Variants in RAB11FIP3 observed in about 807,000 individuals in gnomAD.
The protein encoded by RAB11FIP3 is rab11 family-interacting protein 3.
A neutral mutation model predicts 77.8 loss-of-function variants in RAB11FIP3; 17 were observed. The ratio of observed to expected loss-of-function variants is 0.22; its 90% CI spans 0.15 to 0.33. The LOEUF is 0.33. Ranked by LOEUF, RAB11FIP3 falls within the 10% of genes least tolerant of loss-of-function variation. RAB11FIP3 has a pLI of 1.00. For synonymous variants in RAB11FIP3, 437 were observed against 448.2 expected, an observed-to-expected ratio of 0.98 and a Z score of 0.31; for missense variants, 1,005 against 1,011.2, an observed-to-expected ratio of 0.99 and a Z score of 0.08.
chr16:515,287 A>C (rs1200210835), intron 9 of RAB11FIP3, among the ~76,000 whole-genome samples: 3 of 152,268 alleles, frequency 2.0e-5, no homozygotes, highest in Non-Finnish European at 2.9e-5. Context: ...AGGAGAAAAT[A>C]GCTGTGGGTA....
chr16:454,608 C>T (rs913197038), intron 1 of RAB11FIP3, among the ~76,000 whole-genome samples: 8 of 151,910 alleles, frequency 5.3e-5, no homozygotes, highest in East Asian at 3.9e-4. Flanking sequence ...CAAAAAAACC[C>T]ACAAAACCAA....
At chr16:513,473 C>G (rs536856391) in intron 9 of RAB11FIP3, among the ~76,000 whole-genome samples, 4 of 152,220 alleles carry the variant, frequency 2.6e-5, no homozygotes, top group African/African-American at 9.6e-5. Context: ...CCCACCTTGG[C>G]CTCTTTTTGT....
chr16:470,236 G>T (rs1221026236), intron 2 of RAB11FIP3, among the ~76,000 whole-genome samples: 2 of 151,720 alleles, frequency 1.3e-5, no homozygotes, highest in Non-Finnish European at 2.9e-5. Context: ...GACCTCAAAT[G>T]ATCCTCCTGC....
Position 426,739 on chromosome 16 carries a change from C to A in RAB11FIP3, c.714+19C>A. ...AGAGCAGGTACGGAGCGGCCCGGGC[C>A]GGGGCGTGGGAACTGGGCAGGTGCG... is the stretch of plus-strand genomic sequence containing the variant. On this transcript the variant is annotated intron_variant, in intron 1 of 13. Transcript: ENST00000262305. This position sits in a 1 kb window ranked among gnomAD's most constrained non-coding sequence, Gnocchi z 5.0. 2 of 1,464,210 alleles carry A rather than the reference C, an allele frequency of 1.4e-6. No homozygotes were observed. The highest frequency in any genetic ancestry group is 1.8e-6 in the Non-Finnish European group (2 of 1,105,914). The allele number at this position is 1,464,210 out of a possible 1,614,324, so 90.7% of individuals were successfully genotyped here.
Position 519,902 on chromosome 16 carries a change from A to T in RAB11FIP3, c.1860+11A>T. Reference sequence around the variant, plus strand: ...GAGGCCACCCAGGAGGTGAGCACCCACCCTGCCCCACGCCCAGTCCTGCGC... The same window carrying T: ...GAGGCCACCCAGGAGGTGAGCACCCTCCCTGCCCCACGCCCAGTCCTGCGC... On this transcript the variant is annotated intron_variant, in intron 11 of 13. Coordinates refer to ENST00000262305, the MANE Select transcript of RAB11FIP3 (RefSeq NM_014700.4). The T allele has an allele frequency of 6.4e-7, 1 of 1,569,868 alleles. No individual in the cohort carries two copies. Among genetic ancestry groups the T allele is most frequent in the East Asian group, 2.3e-5 (1 of 42,650 alleles).
chr16:489,162 T>A (rs1033201249), intron 5 of RAB11FIP3, 162 bp downstream of exon 5: 13 of 880,986 alleles, frequency 1.5e-5, no homozygotes, highest in Non-Finnish European at 2.0e-5. Context: ...ATACCTGGAT[T>A]TATGAAAGTT....
intron 1 of RAB11FIP3, among the ~76,000 whole-genome samples, chr16:438,404 CTTT>C (rs753481865): frequency 5.0e-5 from 6 of 118,844 alleles, no homozygotes; most frequent in Non-Finnish European, 1.0e-4. Flanking sequence ...CTGCGTCCGG[CTTT>C]TTTTTTTTTT....
rs368050616 is a variant in RAB11FIP3, at chr16:458,751, G to A, written c.715-2653G>A. On this transcript the variant is annotated intron_variant, in intron 1 of 13. Transcript: ENST00000262305. The stretch of plus-strand genomic sequence containing the variant: ...ACAGTCCAGCCCGCCACCCAAGAGG[G>A]GCTTTCTTCAGGAGTCTGCCCCCTC... 3.9e-5 allele frequency among the ~76,000 whole-genome samples: 6 copies of A among 152,374 alleles called. No homozygotes were observed. In the East Asian group the frequency reaches 7.7e-4, roughly 20 times the overall value.
chr16:456,785 AC>A (rs1244075672), intron 1 of RAB11FIP3, among the ~76,000 whole-genome samples: 3 of 152,156 alleles, frequency 2.0e-5, no homozygotes, highest in Admixed American at 1.3e-4. Context: ...CAACAAAAAA[AC>A]AACAACAAAT....
At chr16:491,415 A>G (rs2030175868) in intron 5 of RAB11FIP3, 1 of 806,348 alleles carries the variant, frequency 1.2e-6, no homozygotes, top group Non-Finnish European at 1.7e-6. Context: ...CCCACCCTGC[A>G]CGCTGTGGGG....
chr16:520,766 G>A lies in RAB11FIP3; in HGVS notation c.2198G>A (p.Arg733His), dbSNP rs766469038. The change falls in exon 14 of 14, where the codon CGC becomes CAC. Residue 733 changes from arginine to histidine, a missense_variant. Physicochemically the swap from Arg to His is conservative, Grantham distance 29 (BLOSUM62 0). Transcript: ENST00000262305. ...AIQKQEEINF[R>H]LQDYIDRIIV... ...CAGAAGCAGGAGGAGATCAACTTCC[G>A]CCTGCAGGACTACATCGACAGGATC... The A allele has an allele frequency of 8.1e-6, 13 of 1,613,790 alleles. No homozygotes were observed. Among genetic ancestry groups the A allele is most frequent in the Admixed American group, 1.7e-5 (1 of 60,026 alleles).
chr16:508,097 G>A (rs999946356), intron 8 of RAB11FIP3, among the ~76,000 whole-genome samples: 9 of 152,240 alleles, frequency 5.9e-5, no homozygotes, highest in Non-Finnish European at 1.2e-4. Context: ...AGGGAGCACA[G>A]GAGCCAGATG....
rs186804846 is a variant in RAB11FIP3 at position 458,423 on chromosome 16, C to T, written c.715-2981C>T. ...GGGCCTTCCTCGGGTTCACCGATGC[C>T]CACAGGGCCTGGGGGGCCTTCCTCG... On this transcript the variant is annotated intron_variant, in intron 1 of 13. Coordinates refer to ENST00000262305, the MANE Select transcript of RAB11FIP3 (RefSeq NM_014700.4). Among the ~76,000 whole-genome samples, 660 of 115,700 alleles carry T rather than the reference C, an allele frequency of 5.7e-3. 10 individuals carry two copies. Among genetic ancestry groups the T allele is most frequent in the African/African-American group, 0.019 (601 of 31,760 alleles). 75.9% of individuals were successfully genotyped at this position (115,700 alleles called of 152,430 possible). A position where few individuals can be genotyped will look rare whatever the true frequency, so the allele number is the denominator to read the frequency against.
intron 2 of RAB11FIP3, among the ~76,000 whole-genome samples, chr16:469,619 A>C: frequency 7.0e-6 from 1 of 142,448 alleles, no homozygotes; most frequent in East Asian, 2.1e-4. Flanking sequence ...AGAACTCCTG[A>C]CCTTAAGTGA....
chr16:506,553 G>A lies in RAB11FIP3; in HGVS notation c.1499+926G>A, dbSNP rs144378095. On this transcript the variant is annotated intron_variant, in intron 8 of 13. Coordinates refer to ENST00000262305, the MANE Select transcript of RAB11FIP3 (RefSeq NM_014700.4). This position sits in a 1 kb window ranked among gnomAD's most constrained non-coding sequence, Gnocchi z 4.5. ...ATCACCACTGAGCAGGTAGATTCAG[G>A]GCTCTGAGCAGCCTGCACACACGTG... Among the ~76,000 whole-genome samples, 1 of 152,236 alleles carries A rather than the reference G, an allele frequency of 6.6e-6. No individual in the cohort carries two copies. Among genetic ancestry groups the A allele is most frequent in the East Asian group, 1.9e-4 (1 of 5,170 alleles).
intron 2 of RAB11FIP3, among the ~76,000 whole-genome samples, chr16:466,560 G>A (rs1445439003): frequency 6.6e-6 from 1 of 152,226 alleles, no homozygotes; most frequent in Non-Finnish European, 1.5e-5. Flanking sequence ...GCCCTCGGAG[G>A]AGCCCGATGC....
chr16:472,703 G>A lies in RAB11FIP3; in HGVS notation c.903+1314G>A, dbSNP rs555873214. On this transcript the variant is annotated intron_variant, in intron 3 of 13. Coordinates refer to ENST00000262305, the MANE Select transcript of RAB11FIP3 (RefSeq NM_014700.4). This position sits in a 1 kb window ranked among gnomAD's most constrained non-coding sequence, Gnocchi z 4.1. Reference sequence around the variant, plus strand: ...TTTGTTCCCCTCTCATGTTTGTTAGGGCATTGTTGATTGTTTATATCCTAT... The same window carrying A: ...TTTGTTCCCCTCTCATGTTTGTTAGAGCATTGTTGATTGTTTATATCCTAT... Among the ~76,000 whole-genome samples the A allele has an allele frequency of 1.4e-4, 21 of 152,182 alleles. No homozygotes were observed. The highest frequency in any genetic ancestry group is 2.5e-4 in the Non-Finnish European group (17 of 68,030).
Position 425,737 on chromosome 16 carries a change from C to T in RAB11FIP3, c.-270C>T, listed in dbSNP as rs954002196. ...TCCCCCGGCCTCCTCGGCCCCCGTC[C>T]CCCGCCATCCGCCGCCCGGATCCTC... On this transcript the variant is annotated 5_prime_UTR_variant, in exon 1 of 14. Coordinates refer to ENST00000262305, the MANE Select transcript of RAB11FIP3 (RefSeq NM_014700.4). 6.1e-6 allele frequency: 2 copies of T among 329,180 alleles called. No homozygotes were observed. The highest frequency in any genetic ancestry group is 1.1e-5 in the Non-Finnish European group (2 of 181,454). 20.4% of individuals were successfully genotyped at this position (329,180 alleles called of 1,614,324 possible). A position where few individuals can be genotyped will look rare whatever the true frequency, so the allele number is the denominator to read the frequency against.
chr16:486,200 G>T (rs1430328246), intron 4 of RAB11FIP3, among the ~76,000 whole-genome samples: 1 of 152,160 alleles, frequency 6.6e-6, no homozygotes, highest in Non-Finnish European at 1.5e-5. Context: ...TTTCTCACTA[G>T]TTTTTAAGCA....
Sources: gnomAD v4.1 joint callset for allele counts (sites outside exome capture counted in the v4.1 genomes callset) on GRCh38, gnomAD v4.1.1 for gene constraint, Gnocchi (gnomAD v3.1) non-coding constraint, MANE v1.5 for transcripts, NCBI Gene and HGNC (gene_info 2026-07-23, HGNC 2026-07-21) for gene names.